EPHA6: variants seen among roughly 807,000 people sequenced by gnomAD.
EPHA6 encodes the protein EPH receptor A6.
Under a neutral mutation model 112.0 loss-of-function variants are expected in EPHA6, and 50 were observed. That is an observed-to-expected ratio of 0.45 (90% confidence interval 0.36 to 0.56). EPHA6 has a LOEUF of 0.56. Ranked by LOEUF, EPHA6 falls within the 20% of genes least tolerant of loss-of-function variation. The probability of loss-of-function intolerance (pLI) is 0.00; values close to 1 mark genes in which losing one functional copy is unlikely to be tolerated. For synonymous variants in EPHA6, 529 were observed against 490.7 expected, an observed-to-expected ratio of 1.08 and a Z score of -1.03; for missense variants, 1,280 against 1,417.4, an observed-to-expected ratio of 0.90 and a Z score of 1.56.
At chr3:97,361,203 G>C (rs2084352682) in intron 5 of EPHA6, among the ~76,000 whole-genome samples, 1 of 152,180 alleles carries the variant, frequency 6.6e-6, no homozygotes, top group South Asian at 2.1e-4. Flanking sequence ...TGTACACCTA[G>C]AGTTGCTGTA....
chr3:96,947,091 G>A (rs1214243858), intron 2 of EPHA6, among the ~76,000 whole-genome samples: 8 of 151,754 alleles, frequency 5.3e-5, no homozygotes, highest in African/African-American at 1.2e-4. Context: ...GCCTTTGTCA[G>A]ATGAGTAGAT....
chr3:97,732,530 G>A (rs929516479), intron 15 of EPHA6, among the ~76,000 whole-genome samples: 8 of 151,930 alleles, frequency 5.3e-5, no homozygotes, highest in African/African-American at 1.4e-4. Context: ...ATATCTATCC[G>A]TTTGGATGAA....
chr3:96,953,898 G>T (rs1314674583), intron 2 of EPHA6, among the ~76,000 whole-genome samples: 3 of 150,224 alleles, frequency 2.0e-5, no homozygotes, highest in Non-Finnish European at 4.4e-5. Flanking sequence ...TTTGAGACAT[G>T]GTCTGACTCT....
At chr3:97,518,177 A>C (rs1380842155) in intron 10 of EPHA6, among the ~76,000 whole-genome samples, 2 of 152,086 alleles carry the variant, frequency 1.3e-5, no homozygotes, top group African/African-American at 2.4e-5. Context: ...CATTTTCCAT[A>C]ATTGCTGTAT....
intron 6 of EPHA6, among the ~76,000 whole-genome samples, chr3:97,443,400 A>C (rs2090209695): frequency 6.6e-6 from 1 of 151,294 alleles, no homozygotes; most frequent in African/African-American, 2.4e-5. Context: ...GTAGAGTACT[A>C]CATATTAATA....
At chr3:96,979,787 T>C (rs1208382093) in intron 2 of EPHA6, among the ~76,000 whole-genome samples, 1 of 152,222 alleles carries the variant, frequency 6.6e-6, no homozygotes, top group African/African-American at 2.4e-5. Flanking sequence ...TGATTTGCAT[T>C]TCTCTGATGG....
intron 2 of EPHA6, among the ~76,000 whole-genome samples, chr3:96,911,905 CT>C (rs919782159): frequency 4.6e-5 from 7 of 151,638 alleles, no homozygotes; most frequent in African/African-American, 9.7e-5. Flanking sequence ...AAATTGTTTG[CT>C]TTTTTTTACC....
intron 2 of EPHA6, among the ~76,000 whole-genome samples, chr3:96,893,049 G>A (rs934100127): frequency 2.0e-5 from 3 of 151,678 alleles, no homozygotes; most frequent in South Asian, 2.1e-4. Flanking sequence ...TGATGGTCCC[G>A]TAAGATTATA....
At chr3:97,145,454 T>C (rs999545447) in intron 3 of EPHA6, among the ~76,000 whole-genome samples, 2 of 151,456 alleles carry the variant, frequency 1.3e-5, no homozygotes, top group Non-Finnish European at 3.0e-5. Flanking sequence ...TTTCCTCACA[T>C]TTTTTAAAAA....
chr3:97,003,270 G>C (rs1290430344), intron 3 of EPHA6, among the ~76,000 whole-genome samples: 2 of 152,058 alleles, frequency 1.3e-5, no homozygotes, highest in African/African-American at 4.8e-5. Context: ...ACCATGCCCA[G>C]CTAATTTTTG....
At chr3:97,148,442 T>A (rs1235866634) in intron 3 of EPHA6, among the ~76,000 whole-genome samples, 1 of 152,130 alleles carries the variant, frequency 6.6e-6, no homozygotes, top group Non-Finnish European at 1.5e-5. Context: ...TATTCCAGCC[T>A]GGGCAATCAG....
Position 97,686,979 on chromosome 3 carries a change from TAC to T in EPHA6, c.2785-33280_2785-33279del, listed in dbSNP as rs1314742881. Among the ~76,000 whole-genome samples, 7 of 152,178 alleles carry T rather than the reference TAC, an allele frequency of 4.6e-5. No homozygotes were observed. In the East Asian group the frequency reaches 1.3e-3, roughly 29 times the overall value. On this transcript the variant is annotated intron_variant, in intron 14 of 17. Transcript: ENST00000389672. Reference sequence around the variant, plus strand: ...GGCTCTCACAGTTCTGAGAGTTGTTTACAGCCAGCTGGTAGAAAGTCTTACTT... The same window carrying T: ...GGCTCTCACAGTTCTGAGAGTTGTTTAGCCAGCTGGTAGAAAGTCTTACTT...
chr3:96,863,193 T>C (rs2107438900), intron 1 of EPHA6, among the ~76,000 whole-genome samples: 1 of 152,148 alleles, frequency 6.6e-6, no homozygotes, highest in South Asian at 2.1e-4. Flanking sequence ...TAAACATTGC[T>C]ATTATATTAA....
chr3:97,670,522 G>A (rs566530746), intron 14 of EPHA6, among the ~76,000 whole-genome samples: 1 of 152,232 alleles, frequency 6.6e-6, no homozygotes, highest in East Asian at 1.9e-4. Context: ...AGGCTAACCT[G>A]TTGAATTTAT....
At chr3:97,346,981 GT>G (rs1284681308) in intron 5 of EPHA6, among the ~76,000 whole-genome samples, 1 of 152,082 alleles carries the variant, frequency 6.6e-6, no homozygotes, top group African/African-American at 2.4e-5. Context: ...GAGTCTTCTA[GT>G]TGGGCTTACG....
In EPHA6 at chr3:97,242,211, C is replaced by T. The variant is rs188966127; in HGVS notation, c.1271-1741C>T. On this transcript the variant is annotated intron_variant, in intron 4 of 17. Coordinates refer to ENST00000389672, the MANE Select transcript of EPHA6 (RefSeq NM_001080448.3). ...TTGTACATAGAAAACTATCCATACTCATTCCAATGAGCCTAGCAGTCCTGC... is the reference window on the plus strand; with the variant it reads ...TTGTACATAGAAAACTATCCATACTTATTCCAATGAGCCTAGCAGTCCTGC... Among the ~76,000 whole-genome samples, 14 of 151,924 alleles carry T rather than the reference C, an allele frequency of 9.2e-5. No homozygotes were observed. In the East Asian group the frequency reaches 2.5e-3, roughly 27 times the overall value.
chr3:96,967,102 C>G (rs2042148670), intron 2 of EPHA6, among the ~76,000 whole-genome samples: 1 of 151,600 alleles, frequency 6.6e-6, no homozygotes, highest in Non-Finnish European at 1.5e-5. Context: ...ATAATCCCCT[C>G]TTTGAAAAAT....
Position 97,304,051 on chromosome 3 carries a change from G to A in EPHA6, c.1606+59764G>A, listed in dbSNP as rs374114861. Among the ~76,000 whole-genome samples, 6 of 151,942 alleles carry A rather than the reference G, an allele frequency of 3.9e-5. 1 individual carries two copies. The highest frequency in any genetic ancestry group is 1.4e-4 in the African/African-American group (6 of 41,488). On this transcript the variant is annotated intron_variant, in intron 5 of 17. Transcript: ENST00000389672. ...TGATTTGGCTCTCTGCTTGTCTATTGTTGGTGTATACAAATGCTTGTGATT... is the reference window on the plus strand; with the variant it reads ...TGATTTGGCTCTCTGCTTGTCTATTATTGGTGTATACAAATGCTTGTGATT...
intron 6 of EPHA6, among the ~76,000 whole-genome samples, chr3:97,442,901 C>A (rs1261383800): frequency 6.6e-6 from 1 of 152,002 alleles, no homozygotes; most frequent in East Asian, 1.9e-4. Flanking sequence ...TTTCTTTTCC[C>A]AGAGCCATGT....
Sources: allele counts gnomAD v4.1 joint callset (sites outside exome capture counted in the v4.1 genomes callset), GRCh38; gene constraint gnomAD v4.1.1; transcripts MANE v1.5; gene names NCBI Gene and HGNC (gene_info 2026-07-23, HGNC 2026-07-21).